Variants in ERC2 observed in about 807,000 individuals in gnomAD.
ERC2 encodes the protein ELKS/RAB6-interacting/CAST family member 2, also known as ERC protein 2.
Under a neutral mutation model 114.8 loss-of-function variants are expected in ERC2, and 42 were observed. That is an observed-to-expected ratio of 0.37 (90% confidence interval 0.29 to 0.47). ERC2 has a LOEUF of 0.47. ERC2 is among the 20% of genes least tolerant of loss of function. ERC2 has a pLI of 0.99. For synonymous variants in ERC2, 454 were observed against 425.5 expected, an observed-to-expected ratio of 1.07 and a Z score of -0.82; for missense variants, 939 against 1,150.7, an observed-to-expected ratio of 0.82 and a Z score of 2.66.
chr3:55,846,071 T>C (rs2061349730), intron 14 of ERC2, among the ~76,000 whole-genome samples: 1 of 152,238 alleles, frequency 6.6e-6, no homozygotes, highest in Non-Finnish European at 1.5e-5. Context: ...CAGGGATTTA[T>C]TGTACAGATT....
At chr3:56,041,821 C>T (rs183227254) in intron 7 of ERC2, among the ~76,000 whole-genome samples, 25 of 152,176 alleles carry the variant, frequency 1.6e-4, no homozygotes, top group Middle Eastern at 6.8e-3. Context: ...TTTATGATTG[C>T]CTGTCGTACT....
Position 56,434,880 on chromosome 3 carries a change from G to T in ERC2, c.128C>A (p.Thr43Asn). 1.2e-6 allele frequency: 2 copies of T among 1,613,862 alleles called. No homozygotes were observed. Among genetic ancestry groups the T allele is most frequent in the Non-Finnish European group, 1.7e-6 (2 of 1,179,874 alleles). Residue 43 changes from threonine (T) to asparagine (N), a missense_variant, in exon 2 of 18, where the codon ACT (threonine) becomes AAT (asparagine). By Grantham distance (65) the Thr-to-Asn change is moderately conservative. Coordinates refer to ENST00000288221, the MANE Select transcript of ERC2 (RefSeq NM_015576.3). ...GGACTGGATATTCTCCATAGACAGA[G>T]TCTTGCCTGTTCCTCCACCTCCCCC... Reference protein sequence around the residue: ...SSGGGGGTGKTLSMENIQSLN... With the variant: ...SSGGGGGTGKNLSMENIQSLN...
In ERC2 at chr3:56,258,333, TG is replaced by T. The variant is rs201308193; in HGVS notation, c.1074+37685del. On this transcript the variant is annotated intron_variant, in intron 3 of 17. Transcript: ENST00000288221. The stretch of plus-strand genomic sequence containing the variant: ...AGCCTGAATGCAGCCAGAGACAATG[TG>T]TGAACAAATGGGTGTGCTAGTCCTC... 9.1e-3 allele frequency among the ~76,000 whole-genome samples: 1,386 copies of T among 152,340 alleles called. 16 individuals carry two copies. The highest frequency in any genetic ancestry group is 0.031 in the African/African-American group (1,270 of 41,580).
At chr3:56,033,501 G>A (rs576850577) in intron 7 of ERC2, among the ~76,000 whole-genome samples, 1 of 152,224 alleles carries the variant, frequency 6.6e-6, no homozygotes, top group South Asian at 2.1e-4. Context: ...ATGTATAGTG[G>A]TGACGAGCTT....
chr3:55,683,337 A>T (rs1324740831), intron 17 of ERC2, among the ~76,000 whole-genome samples: 1 of 152,178 alleles, frequency 6.6e-6, no homozygotes, highest in Non-Finnish European at 1.5e-5. Context: ...ATGAAGATAC[A>T]TATTTTATTT....
chr3:55,925,573 C>A (rs540014705), intron 13 of ERC2, among the ~76,000 whole-genome samples: 1 of 152,256 alleles, frequency 6.6e-6, no homozygotes, highest in Admixed American at 6.5e-5. Context: ...GACAACTGGG[C>A]AGATGCCTGG....
intron 17 of ERC2, among the ~76,000 whole-genome samples, chr3:55,656,458 G>A (rs1319419839): frequency 6.6e-6 from 1 of 152,110 alleles, no homozygotes; most frequent in Non-Finnish European, 1.5e-5. Flanking sequence ...ATTCCTGGTG[G>A]AGAATGCACT....
chr3:56,191,632 T>C (rs1190609819), intron 3 of ERC2, among the ~76,000 whole-genome samples: 1 of 152,042 alleles, frequency 6.6e-6, no homozygotes, highest in Non-Finnish European at 1.5e-5. Flanking sequence ...TGCAGTGCTG[T>C]CGCAAACCCA....
intron 2 of ERC2, among the ~76,000 whole-genome samples, chr3:56,303,756 C>T (rs1444514112): frequency 1.3e-5 from 2 of 152,130 alleles, no homozygotes; most frequent in Non-Finnish European, 2.9e-5. Flanking sequence ...TTCTAGCAAG[C>T]CCATATTTGC....
intron 2 of ERC2, among the ~76,000 whole-genome samples, chr3:56,389,631 C>T (rs73075865): frequency 0.016 from 2,371 of 152,300 alleles, 20 homozygotes; most frequent in African/African-American, 0.021. Context: ...CTCAAGGGAG[C>T]TGGCCTGCTG....
chr3:56,462,761 T>C (rs2063371775), intron 1 of ERC2, among the ~76,000 whole-genome samples: 2 of 152,162 alleles, frequency 1.3e-5, no homozygotes, highest in African/African-American at 4.8e-5. Context: ...TGAGAAGGTA[T>C]GTATCAGTGA....
At chr3:56,443,748 A>T (rs1394653784) in intron 1 of ERC2, among the ~76,000 whole-genome samples, 1 of 152,088 alleles carries the variant, frequency 6.6e-6, no homozygotes, top group Non-Finnish European at 1.5e-5. Flanking sequence ...AAGAGCAAAA[A>T]GATCAACTTT....
chr3:55,718,622 C>T (rs573591273), intron 15 of ERC2, among the ~76,000 whole-genome samples: 13 of 152,314 alleles, frequency 8.5e-5, no homozygotes, highest in South Asian at 4.2e-4. Context: ...CAGCACTTAG[C>T]TCCTTCCACT....
At chr3:55,820,251 C>T (rs2060071649) in intron 14 of ERC2, among the ~76,000 whole-genome samples, 1 of 152,108 alleles carries the variant, frequency 6.6e-6, no homozygotes, top group Non-Finnish European at 1.5e-5. Flanking sequence ...ACAAGGACCT[C>T]AGGCAGACTC....
At chr3:55,981,732 C>T (rs947153861) in intron 12 of ERC2, among the ~76,000 whole-genome samples, 9 of 152,124 alleles carry the variant, frequency 5.9e-5, no homozygotes, top group African/African-American at 1.7e-4. Flanking sequence ...TACAAGCATT[C>T]GACTTGATAG....
chr3:55,670,452 G>A (rs1259170668), intron 17 of ERC2, among the ~76,000 whole-genome samples: 5 of 152,218 alleles, frequency 3.3e-5, no homozygotes. Flanking sequence ...CATGAGGGGA[G>A]TTTGTTGGGG....
chr3:56,096,247 T>C (rs1489518920), intron 6 of ERC2, among the ~76,000 whole-genome samples: 2 of 152,218 alleles, frequency 1.3e-5, no homozygotes, highest in Non-Finnish European at 2.9e-5. Flanking sequence ...CATTAGAGTA[T>C]TTATGTTAAT....
At chr3:56,026,482 G>A (rs748649243) in intron 7 of ERC2, among the ~76,000 whole-genome samples, 87 of 152,164 alleles carry the variant, frequency 5.7e-4, no homozygotes, top group Non-Finnish European at 1.1e-3. Context: ...CAGTCAAAAA[G>A]CAGCCTCACA....
rs569902244 is a variant in ERC2, at chr3:55,533,850, C to T, written c.*40-22574G>A. 2.0e-5 allele frequency among the ~76,000 whole-genome samples: 3 copies of T among 152,306 alleles called. 1 individual carries two copies. The highest frequency in any genetic ancestry group is 4.1e-4 in the South Asian group (2 of 4,832). On this transcript the variant is annotated intron_variant, in intron 17 of 17. Coordinates refer to ENST00000288221, the MANE Select transcript of ERC2 (RefSeq NM_015576.3). ...CTGAGGTTCCTTATAACATTTCCTT[C>T]GAATTCAAGATTTCATATTATTTTG...
Sources: gnomAD v4.1 joint callset for allele counts (sites outside exome capture counted in the v4.1 genomes callset) on GRCh38, gnomAD v4.1.1 for gene constraint, MANE v1.5 for transcripts, NCBI Gene and HGNC (gene_info 2026-07-23, HGNC 2026-07-21) for gene names.